Variants in GCNT1 observed in about 807,000 individuals in gnomAD.
GCNT1 encodes the protein glucosaminyl (N-acetyl) transferase 1.
A neutral mutation model predicts 26.2 loss-of-function variants in GCNT1; 16 were observed. The ratio of observed to expected loss-of-function variants is 0.61; its 90% CI spans 0.41 to 0.93. The LOEUF is 0.93. GCNT1 is among the 40% of genes least tolerant of loss of function. GCNT1 has a pLI of 0.00. For synonymous variants in GCNT1, 183 were observed against 190.8 expected (o/e 0.96, Z 0.34); for missense variants, 477 against 526.7 (o/e 0.91, Z 0.92).
upstream of GCNT1, among the ~76,000 whole-genome samples, chr9:76,456,903 A>T (rs1298135992): frequency 6.6e-6 from 1 of 152,172 alleles, no homozygotes; most frequent in Non-Finnish European, 1.5e-5. Flanking sequence ...GAGCAGGGGT[A>T]AGTTGAGGCT....
chr9:76,415,705 T>C (rs1013987722), upstream of GCNT1, among the ~76,000 whole-genome samples: 1 of 152,232 alleles, frequency 6.6e-6, no homozygotes, highest in Admixed American at 6.5e-5. Flanking sequence ...CCAAAGCACA[T>C]GTGAAACAGA....
At chr9:76,475,385 T>G (rs777952496) in intron 2 of GCNT1, among the ~76,000 whole-genome samples, 56 of 152,352 alleles carry the variant, frequency 3.7e-4, no homozygotes, top group Admixed American at 7.8e-4. Context: ...ACATTCATAT[T>G]CGCAGGAAGA....
the GCNT1 span, among the ~76,000 whole-genome samples, chr9:76,400,869 T>A: frequency 5.3e-5 from 8 of 152,262 alleles, no homozygotes; most frequent in African/African-American, 1.4e-4. Context: ...AAGAAAGGGA[T>A]GTGCAGTAAA....
chr9:76,397,810 C>A, the GCNT1 span, among the ~76,000 whole-genome samples: 11 of 152,190 alleles, frequency 7.2e-5, no homozygotes, highest in African/African-American at 2.7e-4. Context: ...TCTAAGAACT[C>A]CCATCAAGTA....
rs759026554 is a variant in GCNT1, at chr9:76,502,923, G to A, written c.542G>A (p.Arg181Gln). 2.1e-5 allele frequency: 34 copies of A among 1,613,216 alleles called. No individual in the cohort carries two copies. In the African/African-American group the frequency reaches 2.5e-4, roughly 12 times the overall value. ...SCFSNVFVAS[R>Q]LESVVYASWS... ...TTTAGTAATGTCTTTGTGGCCAGCCGATTGGAGAGTGTGGTTTATGCATCG... is the reference window on the plus strand; with the variant it reads ...TTTAGTAATGTCTTTGTGGCCAGCCAATTGGAGAGTGTGGTTTATGCATCG... Residue 181 changes from arginine (R) to glutamine (Q), a missense_variant, in exon 4 of 4, where the codon CGA becomes CAA. Arg to Gln is a conservative substitution (Grantham distance 43). Coordinates refer to ENST00000376730, the MANE Select transcript of GCNT1 (RefSeq NM_001490.5).
chr9:76,501,666 A>G (rs1825074088), intron 3 of GCNT1: 1 of 152,246 alleles, frequency 6.6e-6, no homozygotes, highest in African/African-American at 2.4e-5. Flanking sequence ...AAAGATTCTT[A>G]GAAGTCACAA....
At chr9:76,418,754 C>T (rs1005161817), upstream of GCNT1, among the ~76,000 whole-genome samples, 1 of 152,058 alleles carries the variant, frequency 6.6e-6, no homozygotes, top group East Asian at 1.9e-4. Context: ...ATGAATGAAC[C>T]TGGGAGACAG....
intron 1 of GCNT1, chr9:76,420,148 G>A (rs772238455): frequency 2.6e-5 from 4 of 152,252 alleles, no homozygotes; most frequent in African/African-American, 4.8e-5. Context: ...TGTTGCCAGA[G>A]CACAGCTATT....
chr9:76,410,878 C>T, the GCNT1 span, among the ~76,000 whole-genome samples: 2 of 152,196 alleles, frequency 1.3e-5, no homozygotes, highest in Non-Finnish European at 2.9e-5. Flanking sequence ...TGTTGTTAGG[C>T]ACATATACAC....
intron 1 of GCNT1, among the ~76,000 whole-genome samples, chr9:76,447,969 C>G (rs1587416424): frequency 6.6e-6 from 1 of 152,160 alleles, no homozygotes; most frequent in African/African-American, 2.4e-5. Flanking sequence ...CATGGCTGTG[C>G]CAGCCGTCTT....
At chr9:76,500,183 A>G (rs1350338655) in intron 2 of GCNT1, among the ~76,000 whole-genome samples, 2 of 151,942 alleles carry the variant, frequency 1.3e-5, no homozygotes, top group Non-Finnish European at 2.9e-5. Flanking sequence ...TGTGTCAACC[A>G]TGGAAATCAG....
At chr9:76,498,021 C>A (rs1055167838) in intron 2 of GCNT1, among the ~76,000 whole-genome samples, 3 of 152,208 alleles carry the variant, frequency 2.0e-5, no homozygotes, top group African/African-American at 7.2e-5. Context: ...CTGGCAGACA[C>A]TCATCTACTT....
upstream of GCNT1, among the ~76,000 whole-genome samples, chr9:76,415,169 C>T (rs1231007818): frequency 6.6e-6 from 1 of 152,046 alleles, no homozygotes; most frequent in Non-Finnish European, 1.5e-5. Flanking sequence ...GTGATACTTC[C>T]ACCTCAGCCT....
chr9:76,411,054 C>A, the GCNT1 span, among the ~76,000 whole-genome samples: 4 of 152,094 alleles, frequency 2.6e-5, no homozygotes, highest in Non-Finnish European at 4.4e-5. Flanking sequence ...TTTCTCCATC[C>A]CTTTACTTTT....
chr9:76,428,415 T>C (rs993829133), intron 1 of GCNT1, among the ~76,000 whole-genome samples: 11 of 152,024 alleles, frequency 7.2e-5, no homozygotes, highest in African/African-American at 2.7e-4. Flanking sequence ...GTTTAATTTA[T>C]GAGCTATTTT....
intron 2 of GCNT1, among the ~76,000 whole-genome samples, chr9:76,474,623 A>G (rs1308552778): frequency 1.3e-5 from 2 of 152,242 alleles, no homozygotes; most frequent in Non-Finnish European, 2.9e-5. Context: ...AATGTTACGT[A>G]CCAGAAGAGA....
intron 2 of GCNT1, among the ~76,000 whole-genome samples, chr9:76,491,217 TCCTC>T (rs901179667): frequency 1.6e-4 from 25 of 151,962 alleles, no homozygotes; most frequent in African/African-American, 5.6e-4. Flanking sequence ...CTCTGTCTCT[TCCTC>T]TCTCTCTCTC....
intron 2 of GCNT1, among the ~76,000 whole-genome samples, chr9:76,495,288 A>G (rs914411220): frequency 1.3e-5 from 2 of 152,120 alleles, no homozygotes; most frequent in Admixed American, 1.3e-4. Flanking sequence ...TTGTTCCTTC[A>G]GATGTGTCTG....
chr9:76,444,469 G>T lies in GCNT1; in HGVS notation c.-290+2154G>T, dbSNP rs150905756. Among the ~76,000 whole-genome samples the T allele has an allele frequency of 2.7e-3, 407 of 152,266 alleles. 2 individuals carry two copies. The highest frequency in any genetic ancestry group is 9.1e-3 in the African/African-American group (378 of 41,556). ...AGAGTGACGAGAACAAAACCATGAG[G>T]ATTAAGAGTCCAGGTGAGGAAAAAG... is the stretch of plus-strand genomic sequence containing the variant. On this transcript the variant is annotated intron_variant, in intron 1 of 2. Coordinates refer to the GCNT1 transcript ENST00000442371.
Sources: allele counts gnomAD v4.1 joint callset (sites outside exome capture counted in the v4.1 genomes callset), GRCh38; gene constraint gnomAD v4.1.1; transcripts MANE v1.5; gene names NCBI Gene and HGNC (gene_info 2026-07-23, HGNC 2026-07-21).